RXFP2: variants seen among roughly 807,000 people sequenced by gnomAD.
RXFP2 encodes the protein relaxin family peptide receptor 2.
In RXFP2, 68 loss-of-function variants were observed where a neutral mutation model predicts 88.6. The ratio of observed to expected loss-of-function variants is 0.77; its 90% confidence interval spans 0.63 to 0.94. RXFP2 has a LOEUF of 0.94. Ranked by LOEUF, RXFP2 falls within the 40% of genes least tolerant of loss-of-function variation. RXFP2 has a pLI of 0.00. For synonymous variants in RXFP2, 329 were observed against 306.8 expected (o/e 1.07, Z -0.76); for missense variants, 791 against 893.9 (o/e 0.88, Z 1.47).
intron 17 of RXFP2, among the ~76,000 whole-genome samples, chr13:31,799,203 G>A (rs1874206433): frequency 1.4e-5 from 2 of 146,890 alleles, no homozygotes; most frequent in African/African-American, 2.5e-5. Flanking sequence ...CCCCACTACT[G>A]TCTCCACACT....
intron 17 of RXFP2, among the ~76,000 whole-genome samples, chr13:31,800,645 G>A (rs966781863): frequency 6.6e-6 from 1 of 152,178 alleles, no homozygotes; most frequent in African/African-American, 2.4e-5. Flanking sequence ...ATACCACCCT[G>A]AACATGCCTG....
chr13:31,797,541 C>T (rs1417941989), intron 17 of RXFP2, 122 bp downstream of exon 17: 1 of 756,816 alleles, frequency 1.3e-6, no homozygotes, highest in African/African-American at 1.7e-5. Context: ...AAGTTATTTC[C>T]CTCCATGTTT....
rs2138476319 is a variant in RXFP2 at position 31,802,148 on chromosome 13, A to G, written c.2008A>G (p.Thr670Ala). 6.2e-7 allele frequency: 1 copy of G among 1,614,116 alleles called. No individual in the cohort carries two copies. The highest frequency in any genetic ancestry group is 8.5e-7 in the Non-Finnish European group (1 of 1,179,986). The change falls in exon 18 of 18, where the codon ACA (threonine) becomes GCA (alanine). Residue 670 changes from threonine (T) to alanine (A), a missense_variant and splice_region_variant. Transcript: ENST00000298386. ...LSLFRVEIPD[T>A]MTSWIVIFFL... is the part of the protein sequence containing the mutation. Reference sequence around the variant, plus strand: ...TCACACTTTGCTTCCTTTTCCAGACACAATGACTTCCTGGATAGTGATTTT... The same window carrying G: ...TCACACTTTGCTTCCTTTTCCAGACGCAATGACTTCCTGGATAGTGATTTT...
intron 17 of RXFP2, among the ~76,000 whole-genome samples, chr13:31,800,958 G>C (rs1874306724): frequency 6.6e-6 from 1 of 151,908 alleles, no homozygotes; most frequent in African/African-American, 2.4e-5. Context: ...AGATAGGATA[G>C]GAAGAGAGGA....
chr13:31,786,140 T>C (rs913871563), intron 11 of RXFP2, among the ~76,000 whole-genome samples: 3 of 152,112 alleles, frequency 2.0e-5, no homozygotes, highest in African/African-American at 7.2e-5. Flanking sequence ...TGGGAATGTG[T>C]TTGAGAGAGG....
chr13:31,783,414 C>T (rs59122201), intron 11 of RXFP2, among the ~76,000 whole-genome samples: 179 of 152,304 alleles, frequency 1.2e-3, no homozygotes, highest in African/African-American at 4.0e-3. Context: ...GGATAGAAAA[C>T]TCATCTTTCT....
In RXFP2 at chr13:31,756,217, C is replaced by T. The variant is rs560068202; in HGVS notation, c.95-2041C>T. The stretch of plus-strand genomic sequence containing the variant: ...TAGGAGAGTCTCCTGAGGGGCTTCT[C>T]TACAAGGCAGCATTTGCTTGAAGGG... On this transcript the variant is annotated intron_variant, in intron 1 of 17. Transcript: ENST00000298386. Among the ~76,000 whole-genome samples the T allele has an allele frequency of 5.3e-4, 80 of 152,324 alleles. 1 individual carries two copies. The South Asian group carries it at 6.8e-3, about 13-fold the overall frequency.
At chr13:31,777,777 T>C (rs1873064429) in intron 8 of RXFP2, among the ~76,000 whole-genome samples, 1 of 152,208 alleles carries the variant, frequency 6.6e-6, no homozygotes, top group Non-Finnish European at 1.5e-5. Flanking sequence ...TATATTTTCT[T>C]AGAATCTCCC....
At chr13:31,757,535 A>C (rs1169233705) in intron 1 of RXFP2, among the ~76,000 whole-genome samples, 2 of 152,102 alleles carry the variant, frequency 1.3e-5, no homozygotes, top group Non-Finnish European at 2.9e-5. Flanking sequence ...CTCATACTTA[A>C]ACTCTCCTTT....
intron 5 of RXFP2, among the ~76,000 whole-genome samples, chr13:31,767,238 G>A (rs567204232): frequency 6.6e-6 from 1 of 152,214 alleles, no homozygotes; most frequent in South Asian, 2.1e-4. Flanking sequence ...AGAACCTTGT[G>A]TGAACATCAA....
At chr13:31,748,313 T>C (rs1328976459) in intron 1 of RXFP2, among the ~76,000 whole-genome samples, 3 of 152,200 alleles carry the variant, frequency 2.0e-5, no homozygotes, top group Non-Finnish European at 2.9e-5. Flanking sequence ...ATAAACTGTT[T>C]TCCAAAGCAG....
chr13:31,759,689 G>A (rs1211006710), intron 2 of RXFP2, among the ~76,000 whole-genome samples: 3 of 152,162 alleles, frequency 2.0e-5, no homozygotes, highest in African/African-American at 7.2e-5. Flanking sequence ...CTGATGCCAA[G>A]AGAGGCTGAC....
chr13:31,801,266 GCGTC>G, intron 17 of RXFP2, among the ~76,000 whole-genome samples: 1 of 152,222 alleles, frequency 6.6e-6, no homozygotes, highest in South Asian at 2.1e-4. Flanking sequence ...AGAGGAAGTA[GCGTC>G]CTGTGGTAAG....
chr13:31,755,232 G>A (rs545276212), intron 1 of RXFP2, among the ~76,000 whole-genome samples: 3 of 152,212 alleles, frequency 2.0e-5, no homozygotes, highest in Admixed American at 2.0e-4. Flanking sequence ...TTAAATAGTG[G>A]GTCACATCCC....
intron 14 of RXFP2, among the ~76,000 whole-genome samples, chr13:31,790,227 C>A (rs1480299302): frequency 1.3e-5 from 2 of 152,178 alleles, no homozygotes; most frequent in African/African-American, 2.4e-5. Flanking sequence ...TCACCCCAAT[C>A]CCTTTCACCT....
chr13:31,741,786 A>G lies in RXFP2; in HGVS notation c.94+2080A>G, dbSNP rs1229234593. On this transcript the variant is annotated intron_variant, in intron 1 of 17. Transcript: ENST00000298386. ...GTGTATCTCTGTTAACCAGCTTCAAACTACTTTTTAAAAAACATTTCTTAA... is the reference window on the plus strand; with the variant it reads ...GTGTATCTCTGTTAACCAGCTTCAAGCTACTTTTTAAAAAACATTTCTTAA... Among the ~76,000 whole-genome samples the G allele has an allele frequency of 3.3e-5, 5 of 152,292 alleles. No individual in the cohort carries two copies. In the East Asian group the frequency reaches 9.6e-4, roughly 29 times the overall value.
chr13:31,787,653 C>T (rs1873606264), intron 13 of RXFP2, among the ~76,000 whole-genome samples: 1 of 151,390 alleles, frequency 6.6e-6, no homozygotes, highest in African/African-American at 2.4e-5. Flanking sequence ...TTCTTTCTTT[C>T]TTTTGAGACA....
At chr13:31,789,848 G>C (rs1245775638) in intron 14 of RXFP2, among the ~76,000 whole-genome samples, 2 of 152,222 alleles carry the variant, frequency 1.3e-5, no homozygotes, top group African/African-American at 4.8e-5. Flanking sequence ...TGGTGGCTGT[G>C]AAGGTGCTCT....
intron 8 of RXFP2, 43 bp downstream of exon 8, chr13:31,777,490 C>G: frequency 3.0e-6 from 4 of 1,353,902 alleles, no homozygotes; most frequent in Non-Finnish European, 4.2e-6. Context: ...CGATACATTG[C>G]AATGACATCT....
Sources: allele counts gnomAD v4.1 joint callset (sites outside exome capture counted in the v4.1 genomes callset), GRCh38; gene constraint gnomAD v4.1.1; transcripts MANE v1.5; gene names NCBI Gene and HGNC (gene_info 2026-07-23, HGNC 2026-07-21).